Variants in LINGO2 observed in about 807,000 individuals in gnomAD.
The protein encoded by LINGO2 is leucine rich repeat and Ig domain containing 2.
A neutral mutation model predicts 30.6 loss-of-function variants in LINGO2; 14 were observed. The observed-to-expected ratio is 0.46, with a 90% CI of 0.30 to 0.72. The LOEUF is 0.72. Among genes scored for constraint, LINGO2 ranks in the 30% least tolerant of loss-of-function variants. LINGO2 has a pLI of 0.07. For synonymous variants in LINGO2, 317 were observed against 288.5 expected, an observed-to-expected ratio of 1.10 and a Z score of -1.00; for missense variants, 729 against 751.7, an observed-to-expected ratio of 0.97 and a Z score of 0.35.
the LINGO2 span, among the ~76,000 whole-genome samples, chr9:28,817,291 T>C: frequency 6.6e-6 from 1 of 152,202 alleles, no homozygotes; most frequent in Non-Finnish European, 1.5e-5. Context: ...AAAGAATGAT[T>C]TGGTTGCAAG....
intron 1 of LINGO2, among the ~76,000 whole-genome samples, chr9:28,477,275 G>T (rs1228966788): frequency 6.6e-6 from 1 of 151,842 alleles, no homozygotes; most frequent in East Asian, 1.9e-4. Context: ...AGTATTTTAG[G>T]GTATGATCTA....
chr9:28,750,288 C>T, the LINGO2 span, among the ~76,000 whole-genome samples: 1 of 152,144 alleles, frequency 6.6e-6, no homozygotes, highest in African/African-American at 2.4e-5. Context: ...AAGAACAACA[C>T]CCCAGTCCCA....
Position 28,038,985 on chromosome 9 carries a change from TTTGA to T in LINGO2, c.-86-26584_-86-26581del, listed in dbSNP as rs760967928. On this transcript the variant is annotated intron_variant, in intron 4 of 5. Coordinates refer to ENST00000379992, the Ensembl canonical transcript of LINGO2. ...TTCCTTCTCTAGGTCTACAATTCTT[TTTGA>T]TTGTGTAGCACGAAATCTTAAAGGA... 3.3e-3 allele frequency among the ~76,000 whole-genome samples: 505 copies of T among 152,360 alleles called. 2 individuals carry two copies. The highest frequency in any genetic ancestry group is 5.5e-3 in the Non-Finnish European group (377 of 68,040).
At chr9:28,981,985 A>G in the LINGO2 span, among the ~76,000 whole-genome samples, 1 of 152,152 alleles carries the variant, frequency 6.6e-6, no homozygotes, top group Non-Finnish European at 1.5e-5. Context: ...GTTACAGCAG[A>G]GAAATAGAAG....
intron 4 of LINGO2, among the ~76,000 whole-genome samples, chr9:28,233,259 A>C (rs1821438611): frequency 6.6e-6 from 1 of 151,660 alleles, no homozygotes; most frequent in Non-Finnish European, 1.5e-5. Context: ...AGATAAACTA[A>C]TTAACTGAAC....
chr9:29,176,863 A>C, the LINGO2 span, among the ~76,000 whole-genome samples: 1 of 152,358 alleles, frequency 6.6e-6, no homozygotes, highest in Non-Finnish European at 1.5e-5. Flanking sequence ...GAGTTATCAA[A>C]TAATTCCTTT....
intron 1 of LINGO2, among the ~76,000 whole-genome samples, chr9:28,510,202 A>G (rs1225723091): frequency 6.6e-6 from 1 of 152,196 alleles, no homozygotes; most frequent in East Asian, 1.9e-4. Flanking sequence ...CCCTAGAACA[A>G]TGCAAGGCTT....
chr9:28,269,882 C>T (rs1328720800), intron 4 of LINGO2, among the ~76,000 whole-genome samples: 1 of 152,092 alleles, frequency 6.6e-6, no homozygotes, highest in Non-Finnish European at 1.5e-5. Context: ...AGGTAGAGGA[C>T]TTGCCCTCAC....
rs376192639 is a variant in LINGO2 at position 28,148,292 on chromosome 9, A to G, written c.-86-135887T>C. 2.1e-5 allele frequency: 17 copies of G among 811,442 alleles called. No homozygotes were observed. The highest frequency in any genetic ancestry group is 2.3e-4 in the Middle Eastern group (1 of 4,358). The allele number at this position is 811,442 out of a possible 1,614,324, so 50.3% of individuals were successfully genotyped here. On this transcript the variant is annotated intron_variant, in intron 4 of 5. Transcript: ENST00000379992. This position sits in a 1 kb window ranked among gnomAD's most constrained non-coding sequence, Gnocchi z 5.1. Reference sequence around the variant, plus strand: ...TGTGGTCTGGAGCCCCGCCTCAAGGAAGAAACCCATGCTGTCTGCTCACAA... The same window carrying G: ...TGTGGTCTGGAGCCCCGCCTCAAGGGAGAAACCCATGCTGTCTGCTCACAA...
chr9:28,338,660 A>G (rs1825668271), intron 3 of LINGO2, among the ~76,000 whole-genome samples: 1 of 152,024 alleles, frequency 6.6e-6, no homozygotes, highest in African/African-American at 2.4e-5. Flanking sequence ...TGTTCTTGTG[A>G]TACTGAGTGA....
intron 3 of LINGO2, among the ~76,000 whole-genome samples, chr9:28,326,370 T>C (rs937670213): frequency 5.3e-5 from 8 of 152,232 alleles, no homozygotes; most frequent in Non-Finnish European, 1.2e-4. Context: ...GTCGGTTTTT[T>C]CCTCAGATTC....
At chr9:29,208,134 T>C in the LINGO2 span, among the ~76,000 whole-genome samples, 1 of 152,106 alleles carries the variant, frequency 6.6e-6, no homozygotes, top group East Asian at 1.9e-4. Flanking sequence ...TTCCACAAGC[T>C]AAATATTTTT....
the LINGO2 span, among the ~76,000 whole-genome samples, chr9:28,975,479 T>C: frequency 6.6e-5 from 10 of 152,182 alleles, no homozygotes; most frequent in East Asian, 1.9e-3. Context: ...TGCTATAACT[T>C]GCCAGTGCCT....
intron 4 of LINGO2, among the ~76,000 whole-genome samples, chr9:28,116,996 A>G (rs1826926623): frequency 2.4e-5 from 2 of 84,848 alleles, no homozygotes; most frequent in South Asian, 1.1e-3. Context: ...TCTGCGTTTT[A>G]GAGTTTCCAG....
At chr9:29,000,379 T>C in the LINGO2 span, among the ~76,000 whole-genome samples, 1 of 151,970 alleles carries the variant, frequency 6.6e-6, no homozygotes, top group Non-Finnish European at 1.5e-5. Flanking sequence ...ATACACACTT[T>C]AAATGTAACA....
intron 4 of LINGO2, among the ~76,000 whole-genome samples, chr9:28,014,439 G>A (rs1822718599): frequency 6.6e-6 from 1 of 152,136 alleles, no homozygotes; most frequent in South Asian, 2.1e-4. Flanking sequence ...GCACTCAAGT[G>A]CCTTAAATTA....
At chr9:28,955,680 C>A in the LINGO2 span, among the ~76,000 whole-genome samples, 3 of 152,096 alleles carry the variant, frequency 2.0e-5, no homozygotes, top group Non-Finnish European at 2.9e-5. Flanking sequence ...CCTAAAGAAA[C>A]TGAATCTTCA....
chr9:28,131,122 T>G (rs1827367293), intron 4 of LINGO2, among the ~76,000 whole-genome samples: 1 of 151,990 alleles, frequency 6.6e-6, no homozygotes, highest in African/African-American at 2.4e-5. Flanking sequence ...CTGGCAAGGT[T>G]TCCTGAGAGT....
chr9:28,917,141 G>T, the LINGO2 span, among the ~76,000 whole-genome samples: 1 of 152,160 alleles, frequency 6.6e-6, no homozygotes, highest in African/African-American at 2.4e-5. Flanking sequence ...GCTGCTGTGT[G>T]TATCAGACCC....
Sources: gnomAD v4.1 joint callset for allele counts (sites outside exome capture counted in the v4.1 genomes callset) on GRCh38, gnomAD v4.1.1 for gene constraint, Gnocchi (gnomAD v3.1) non-coding constraint, MANE v1.5 for transcripts, NCBI Gene and HGNC (gene_info 2026-07-23, HGNC 2026-07-21) for gene names.